C4orf36: variants seen among roughly 807,000 people sequenced by gnomAD.
C4orf36 encodes chromosome 4 open reading frame 36.
In C4orf36, 11 loss-of-function variants were observed where a neutral mutation model predicts 12.2. That is an observed-to-expected ratio of 0.90 (90% CI 0.57 to 1.49). C4orf36 has a LOEUF of 1.49. C4orf36 is among the 40% of genes most tolerant of loss of function. C4orf36 has a pLI of 0.00. For synonymous variants in C4orf36, 54 were observed against 51.3 expected, an observed-to-expected ratio of 1.05 and a Z score of -0.22; for missense variants, 137 against 133.9, an observed-to-expected ratio of 1.02 and a Z score of -0.11.
the C4orf36 span, among the ~76,000 whole-genome samples, chr4:86,905,722 T>C: frequency 3.3e-5 from 5 of 151,386 alleles, no homozygotes; most frequent in East Asian, 1.9e-4. Context: ...TTTTTTTTTT[T>C]TTTCTTTTTT....
Position 86,876,219 on chromosome 4 carries a change from T to C in C4orf36, c.*227A>G. On this transcript the variant is annotated 3_prime_UTR_variant, in exon 5 of 5. Coordinates refer to ENST00000295898, the MANE Select transcript of C4orf36 (RefSeq NM_144645.4). ...TAAAAATAATATAAAATAAAATACATTTATAACTGGCAATGTTTAAAAAGA... is the reference window on the plus strand; with the variant it reads ...TAAAAATAATATAAAATAAAATACACTTATAACTGGCAATGTTTAAAAAGA... The C allele has an allele frequency of 4.8e-6, 2 of 419,140 alleles. No homozygotes were observed. Among genetic ancestry groups the C allele is most frequent in the Non-Finnish European group, 8.2e-6 (2 of 244,196 alleles). The allele number at this position is 419,140 out of a possible 1,614,324, so 26.0% of individuals were successfully genotyped here.
the C4orf36 span, among the ~76,000 whole-genome samples, chr4:86,933,012 T>G: frequency 6.6e-6 from 1 of 152,204 alleles, no homozygotes; most frequent in Non-Finnish European, 1.5e-5. Flanking sequence ...CTTTTGTTTA[T>G]GTCTGAAATT....
chr4:86,923,760 T>C, the C4orf36 span, among the ~76,000 whole-genome samples: 3 of 141,448 alleles, frequency 2.1e-5, no homozygotes, highest in South Asian at 2.2e-4. Context: ...TGAGACTCTG[T>C]CTCAAAAAAA....
At chr4:86,891,293 CAAAAA>C (rs34250498) in intron 2 of C4orf36, among the ~76,000 whole-genome samples, 158 bp downstream of exon 2, 13 of 118,942 alleles carry the variant, frequency 1.1e-4, no homozygotes, top group South Asian at 5.7e-4. Flanking sequence ...AAGCAGTTGC[CAAAAA>C]AAAAAAAAAA....
chr4:86,882,876 G>A (rs752174898), intron 4 of C4orf36, among the ~76,000 whole-genome samples: 15 of 152,020 alleles, frequency 9.9e-5, no homozygotes, highest in Non-Finnish European at 1.8e-4. Flanking sequence ...TGTGATACAC[G>A]CCCTGGGAGG....
chr4:86,929,118 G>A, the C4orf36 span, among the ~76,000 whole-genome samples: 1 of 152,114 alleles, frequency 6.6e-6, no homozygotes, highest in African/African-American at 2.4e-5. Context: ...TTCTGTCGCT[G>A]CATAACAAAT....
chr4:86,890,300 T>A (rs915099180), intron 2 of C4orf36: 1 of 369,134 alleles, frequency 2.7e-6, no homozygotes, highest in African/African-American at 2.1e-5. Context: ...GAAGTTGGGA[T>A]CTGAACCCAG....
intron 4 of C4orf36, among the ~76,000 whole-genome samples, chr4:86,883,998 G>GA (rs56917645): frequency 0.45 from 66,844 of 149,990 alleles, 16,562 homozygotes; most frequent in South Asian, 0.68. Context: ...GCCTGGGTGG[G>GA]AAAAAAAAAA....
At chr4:86,893,677 T>C (rs1293899600), upstream of C4orf36, among the ~76,000 whole-genome samples, 1 of 152,006 alleles carries the variant, frequency 6.6e-6, no homozygotes, top group Non-Finnish European at 1.5e-5. Flanking sequence ...TGACCCATCT[T>C]TCAAAGGTGC....
the C4orf36 span, chr4:86,935,731 G>A: frequency 6.6e-6 from 1 of 152,314 alleles, no homozygotes; most frequent in Non-Finnish European, 1.5e-5. Context: ...GCCGCGTCTC[G>A]CTGAGAGCAG....
At chr4:86,900,485 T>A in the C4orf36 span, among the ~76,000 whole-genome samples, 1 of 152,158 alleles carries the variant, frequency 6.6e-6, no homozygotes, top group Non-Finnish European at 1.5e-5. Flanking sequence ...TAAAATAAGG[T>A]CACAGGGGTG....
chr4:86,889,820 G>A (rs765902287), intron 2 of C4orf36, among the ~76,000 whole-genome samples: 10 of 152,180 alleles, frequency 6.6e-5, no homozygotes, highest in African/African-American at 9.7e-5. Flanking sequence ...AAGAGGCTGC[G>A]GCAGGAGGAT....
the C4orf36 span, among the ~76,000 whole-genome samples, chr4:86,930,821 C>G: frequency 6.6e-6 from 1 of 152,302 alleles, no homozygotes; most frequent in African/African-American, 2.4e-5. Flanking sequence ...ATCACGTTTT[C>G]TGCAAAGTAT....
chr4:86,891,309 A>T (rs1003019988), intron 2 of C4orf36, 147 bp downstream of exon 2: 8 of 655,982 alleles, frequency 1.2e-5, no homozygotes, highest in African/African-American at 9.3e-5. Context: ...AAAAAAAAAA[A>T]AAAATCAGAT....
At chr4:86,899,584 G>C in the C4orf36 span, among the ~76,000 whole-genome samples, 5 of 152,180 alleles carry the variant, frequency 3.3e-5, no homozygotes, top group Admixed American at 3.3e-4. Context: ...GCACTTTCAA[G>C]AGGCAGTGGT....
At chr4:86,878,540 A>G (rs1016877441) in intron 4 of C4orf36, among the ~76,000 whole-genome samples, 14 of 152,252 alleles carry the variant, frequency 9.2e-5, no homozygotes, top group African/African-American at 3.1e-4. Context: ...GCAGCACCTC[A>G]GCAAGTGCAT....
At chr4:86,902,418 C>CAAAAAAAAAAAAAAAAAAAAAA in the C4orf36 span, among the ~76,000 whole-genome samples, 55 of 58,950 alleles carry the variant, frequency 9.3e-4, no homozygotes, top group East Asian at 1.1e-3. Flanking sequence ...ATGAGACTCT[C>CAAAAAAAAAAAAAAAAAAAAAA]AAAAAAAAAA....
intron 4 of C4orf36, among the ~76,000 whole-genome samples, chr4:86,885,431 T>C (rs1177828857): frequency 6.6e-6 from 1 of 152,236 alleles, no homozygotes; most frequent in African/African-American, 2.4e-5. Context: ...GTAAGGTGGA[T>C]TCCTATGTAT....
chr4:86,914,313 C>CA, the C4orf36 span: 2 of 1,588,912 alleles, frequency 1.3e-6, no homozygotes, highest in Non-Finnish European at 1.7e-6. Flanking sequence ...CTTGGGAGCC[C>CA]AGTCAATACC....
Sources: gnomAD v4.1 joint callset for allele counts (sites outside exome capture counted in the v4.1 genomes callset) on GRCh38, gnomAD v4.1.1 for gene constraint, MANE v1.5 for transcripts, NCBI Gene and HGNC (gene_info 2026-07-23, HGNC 2026-07-21) for gene names.